The following TRMT11 variants were observed in gnomAD, a reference collection of about 807,000 sequenced individuals.
TRMT11 encodes the protein tRNA (guanine(10)-N(2))-methyltransferase TRMT11.
A neutral mutation model predicts 62.8 loss-of-function variants in TRMT11; 53 were observed. The observed-to-expected ratio is 0.84, with a 90% confidence interval of 0.68 to 1.06. TRMT11 has a LOEUF of 1.06. Ranked by LOEUF, TRMT11 falls within the 50% of genes least tolerant of loss-of-function variation. The pLI is 0.00. For missense variants in TRMT11, 556 were observed against 553.4 expected (o/e 1.00, Z -0.05); for synonymous variants, 188 against 190.3 (o/e 0.99, Z 0.10).
rs549957127 is a variant in TRMT11, at chr6:126,063,102, A to G, written c.*1437+9912A>G. ...TCCGTTATTTATAATAATGTTACAT[A>G]TAAGTGAAAGTATTCCAATGTCATA... On this transcript the variant is annotated intron_variant and NMD_transcript_variant, in intron 17 of 22. Transcript: ENST00000648977. 1.1e-4 allele frequency among the ~76,000 whole-genome samples: 16 copies of G among 152,342 alleles called. No individual in the cohort carries two copies. The South Asian group carries it at 2.9e-3, about 28-fold the overall frequency.
At chr6:126,235,684 A>G in the TRMT11 span, among the ~76,000 whole-genome samples, 2 of 152,158 alleles carry the variant, frequency 1.3e-5, no homozygotes, top group Non-Finnish European at 2.9e-5. Context: ...GGAACAACAC[A>G]CAGTGGGGCC....
chr6:126,240,266 T>C, the TRMT11 span, among the ~76,000 whole-genome samples: 1 of 152,178 alleles, frequency 6.6e-6, no homozygotes, highest in African/African-American at 2.4e-5. Context: ...CTGCGTTCCT[T>C]TGGAGGAGGA....
At chr6:126,007,501 A>G (rs1419536873) in intron 7 of TRMT11, among the ~76,000 whole-genome samples, 1 of 152,048 alleles carries the variant, frequency 6.6e-6, no homozygotes, top group Admixed American at 6.6e-5. Flanking sequence ...GACTTGCCCA[A>G]GCACTAAAAG....
chr6:126,101,110 G>C (rs998171277), intron 17 of TRMT11, among the ~76,000 whole-genome samples: 5 of 152,084 alleles, frequency 3.3e-5, no homozygotes, highest in Non-Finnish European at 7.4e-5. Context: ...CTCACTTCCT[G>C]CTGTGCGGAC....
At chr6:126,012,723 T>G in intron 9 of TRMT11, 48 bp from the exon 10 acceptor site, 1 of 1,470,376 alleles carries the variant, frequency 6.8e-7, no homozygotes, top group Non-Finnish European at 9.5e-7. Context: ...CCTTGATCCA[T>G]GATTTGGTGA....
upstream of TRMT11, among the ~76,000 whole-genome samples, chr6:126,175,405 G>T (rs1273311714): frequency 6.6e-6 from 1 of 152,148 alleles, no homozygotes; most frequent in East Asian, 1.9e-4. Context: ...GAGTTGTGGA[G>T]CCAAAATACC....
chr6:126,045,225 T>TA (rs995896794), intron 16 of TRMT11, among the ~76,000 whole-genome samples: 4 of 152,226 alleles, frequency 2.6e-5, no homozygotes, highest in Non-Finnish European at 2.9e-5. Flanking sequence ...ATGCCCTGCT[T>TA]ACTGTACAAT....
chr6:126,021,805 TAC>T (rs2127991952), intron 12 of TRMT11, among the ~76,000 whole-genome samples: 1 of 152,346 alleles, frequency 6.6e-6, no homozygotes, highest in African/African-American at 2.4e-5. Flanking sequence ...CTCTCTTACA[TAC>T]AAAATTCATT....
At chr6:126,053,092 CTG>C (rs1264908137) in intron 16 of TRMT11, among the ~76,000 whole-genome samples, 1 of 152,002 alleles carries the variant, frequency 6.6e-6, no homozygotes, top group Non-Finnish European at 1.5e-5. Flanking sequence ...AAGTTCATCT[CTG>C]TGTCCTTTTT....
chr6:126,062,361 G>GTGTAA (rs1776560309), intron 17 of TRMT11, among the ~76,000 whole-genome samples: 1 of 152,176 alleles, frequency 6.6e-6, no homozygotes, highest in South Asian at 2.1e-4. Flanking sequence ...TTTACACTTT[G>GTGTAA]TTATTGTTCC....
chr6:126,071,326 T>C (rs1424158560), intron 17 of TRMT11, among the ~76,000 whole-genome samples: 1 of 152,178 alleles, frequency 6.6e-6, no homozygotes, highest in African/African-American at 2.4e-5. Flanking sequence ...ACTTGGGCCA[T>C]TGGCATTCAT....
At chr6:126,189,017 T>G (rs1276173974) in intron 1 of TRMT11, among the ~76,000 whole-genome samples, 2 of 152,090 alleles carry the variant, frequency 1.3e-5, no homozygotes, top group Non-Finnish European at 2.9e-5. Context: ...CATAGGAGGT[T>G]ATAGACTCTC....
chr6:126,017,887 TC>T (rs1182673015), intron 11 of TRMT11, among the ~76,000 whole-genome samples: 8 of 152,236 alleles, frequency 5.3e-5, no homozygotes, highest in Non-Finnish European at 2.9e-5. Flanking sequence ...ACACATACAA[TC>T]CAGGTGTTTG....
intron 17 of TRMT11, among the ~76,000 whole-genome samples, chr6:126,090,046 C>CAA (rs1777257154): frequency 6.6e-6 from 1 of 152,178 alleles, no homozygotes; most frequent in Non-Finnish European, 1.5e-5. Context: ...TCCCCTTGGC[C>CAA]ATGTCTGTGT....
At chr6:126,059,240 C>T (rs1776461551) in intron 17 of TRMT11, among the ~76,000 whole-genome samples, 2 of 152,002 alleles carry the variant, frequency 1.3e-5, no homozygotes, top group Admixed American at 1.3e-4. Context: ...GGAGTTGGAA[C>T]AAATAACAGC....
In TRMT11 at chr6:126,052,477, A is replaced by G. The variant is rs902803669; in HGVS notation, c.*1370-646A>G. On this transcript the variant is annotated intron_variant and NMD_transcript_variant, in intron 16 of 22. Transcript: ENST00000648977. ...AGGCCAGAATATGGGGAAATTTTTA[A>G]TTAAATCTGGGGTTTCATTTGTTTT... 2.6e-5 allele frequency among the ~76,000 whole-genome samples: 4 copies of G among 152,192 alleles called. No homozygotes were observed. The South Asian group carries it at 8.3e-4, about 31-fold the overall frequency.
At chr6:126,175,018 G>A (rs1778369710), upstream of TRMT11, among the ~76,000 whole-genome samples, 2 of 152,228 alleles carry the variant, frequency 1.3e-5, no homozygotes. Context: ...CAAAGTTGCT[G>A]CAGCTTTCCT....
chr6:126,094,503 A>T (rs780235081), intron 17 of TRMT11, among the ~76,000 whole-genome samples: 3 of 152,178 alleles, frequency 2.0e-5, no homozygotes, highest in Non-Finnish European at 4.4e-5. Context: ...CTTGCCATAG[A>T]GAAAGAAAAA....
chr6:126,108,978 G>A (rs1472040453), intron 17 of TRMT11, among the ~76,000 whole-genome samples: 1 of 152,026 alleles, frequency 6.6e-6, no homozygotes, highest in Non-Finnish European at 1.5e-5. Context: ...CGAGTACAGG[G>A]AACTTCCATA....
Sources: gnomAD v4.1 joint callset for allele counts (sites outside exome capture counted in the v4.1 genomes callset) on GRCh38, gnomAD v4.1.1 for gene constraint, MANE v1.5 for transcripts, NCBI Gene and HGNC (gene_info 2026-07-23, HGNC 2026-07-21) for gene names.